Variants in CTNNA2 observed in about 807,000 individuals in gnomAD.
The protein encoded by CTNNA2 is catenin alpha-2.
In CTNNA2, 42 loss-of-function variants were observed where a neutral mutation model predicts 101.0. That is an observed-to-expected ratio of 0.42 (90% CI 0.32 to 0.54). CTNNA2 has a LOEUF of 0.54. Among genes scored for constraint, CTNNA2 ranks in the 20% least tolerant of loss-of-function variants. The pLI, the probability that CTNNA2 is intolerant of heterozygous loss-of-function variation, is 0.14. For missense variants in CTNNA2, 871 were observed against 1,223.1 expected (o/e 0.71, Z 4.29); for synonymous variants, 450 against 456.4 (o/e 0.99, Z 0.18).
chr2:79,309,963 T>C (rs1365651200), intron 2 of CTNNA2, among the ~76,000 whole-genome samples: 2 of 152,236 alleles, frequency 1.3e-5, no homozygotes, highest in Admixed American at 1.3e-4. Context: ...CTTTATACTT[T>C]GCATTTTTAT....
intron 1 of CTNNA2, among the ~76,000 whole-genome samples, chr2:79,614,419 C>A (rs565996572): frequency 1.3e-5 from 2 of 152,048 alleles, no homozygotes; most frequent in African/African-American, 4.8e-5. Flanking sequence ...AATAATTTTT[C>A]CTAGGAAATA....
chr2:79,875,690 A>G (rs1228590759), intron 6 of CTNNA2, among the ~76,000 whole-genome samples: 2 of 152,110 alleles, frequency 1.3e-5, no homozygotes, highest in East Asian at 3.9e-4. Context: ...ATATTTTTAC[A>G]GTTAGTTATA....
intron 7 of CTNNA2, among the ~76,000 whole-genome samples, chr2:80,356,944 G>T (rs994153995): frequency 6.6e-6 from 1 of 152,180 alleles, no homozygotes; most frequent in Non-Finnish European, 1.5e-5. Flanking sequence ...GAGGCCTAGC[G>T]AGGAGTCATA....
chr2:79,399,594 C>T (rs143276029), intron 4 of CTNNA2, among the ~76,000 whole-genome samples: 191 of 152,046 alleles, frequency 1.3e-3, no homozygotes, highest in African/African-American at 4.4e-3. Context: ...AGTCAATAAA[C>T]GAACAAACAG....
chr2:80,098,463 C>G (rs1370776858), intron 7 of CTNNA2, among the ~76,000 whole-genome samples: 1 of 152,230 alleles, frequency 6.6e-6, no homozygotes, highest in Admixed American at 6.5e-5. Flanking sequence ...CAGGGACCCA[C>G]TTGAGAGGCA....
intron 2 of CTNNA2, among the ~76,000 whole-genome samples, chr2:79,680,123 C>T (rs185335439): frequency 6.3e-4 from 95 of 151,808 alleles, no homozygotes; most frequent in Non-Finnish European, 1.1e-3. Flanking sequence ...TATTGCCTCT[C>T]GGTGGCCACT....
intron 3 of CTNNA2, among the ~76,000 whole-genome samples, chr2:79,347,008 A>T (rs1020635063): frequency 6.6e-6 from 1 of 152,218 alleles, no homozygotes; most frequent in East Asian, 1.9e-4. Flanking sequence ...CACTGTTTGG[A>T]TGATGAGTTC....
At chr2:79,661,781 T>C (rs1198830265) in intron 2 of CTNNA2, among the ~76,000 whole-genome samples, 1 of 152,134 alleles carries the variant, frequency 6.6e-6, no homozygotes, top group Non-Finnish European at 1.5e-5. Context: ...ACTAAATGCC[T>C]GGTGCTGACC....
Position 79,735,388 on chromosome 2 carries a change from G to A in CTNNA2, c.103-8999G>A, listed in dbSNP as rs566117613. Among the ~76,000 whole-genome samples the A allele has an allele frequency of 5.3e-5, 8 of 152,070 alleles. No individual in the cohort carries two copies. In the East Asian group the frequency reaches 7.7e-4, roughly 15 times the overall value. On this transcript the variant is annotated intron_variant, in intron 2 of 18. Coordinates refer to ENST00000402739, the MANE Select transcript of CTNNA2 (RefSeq NM_001282597.3). ...AAATGAGTTCAAATCACATCTCACC[G>A]ACAACATGAAAGGATGATCCAGTTC...
chr2:80,515,968 T>C (rs1024221752), intron 9 of CTNNA2, among the ~76,000 whole-genome samples: 5 of 152,238 alleles, frequency 3.3e-5, no homozygotes, highest in African/African-American at 9.6e-5. Flanking sequence ...GTGTTTTTCC[T>C]TATCCACCTC....
rs867166124 is a variant in CTNNA2, at chr2:79,664,736, C to T, written c.102+13078C>T. On this transcript the variant is annotated intron_variant, in intron 2 of 18. Transcript: ENST00000402739. The stretch of plus-strand genomic sequence containing the variant: ...TTTTTTTTTTTTTTTTTTTTTGAGA[C>T]GGAGTCTCGCTGTCTCCCCGGTTGG... Among the ~76,000 whole-genome samples the T allele has an allele frequency of 3.9e-5, 4 of 101,402 alleles. No homozygotes were observed. The South Asian group carries it at 9.3e-4, about 24-fold the overall frequency. The allele number at this position is 101,402 out of a possible 152,430, so 66.5% of individuals were successfully genotyped here.
chr2:80,260,212 C>T (rs1244226094), intron 7 of CTNNA2, among the ~76,000 whole-genome samples: 2 of 152,178 alleles, frequency 1.3e-5, no homozygotes, highest in African/African-American at 4.8e-5. Flanking sequence ...ATCATTGCTA[C>T]ATCCTCAGTA....
At chr2:79,499,645 C>T (rs1363295450) in intron 4 of CTNNA2, among the ~76,000 whole-genome samples, 2 of 152,140 alleles carry the variant, frequency 1.3e-5, no homozygotes, top group East Asian at 1.9e-4. Context: ...TGCTGATGCT[C>T]GTCTCTCACT....
rs142333254 is a variant in CTNNA2 at position 80,636,900 on chromosome 2, AC to A, written c.2575-10681del. On this transcript the variant is annotated intron_variant, in intron 18 of 18. Transcript: ENST00000402739. ...TGTTTTCTTGCACTCAGTCTTGACT[AC>A]CCCTTTATTCCATCTAAAGGATTCA... Among the ~76,000 whole-genome samples the A allele has an allele frequency of 7.4e-4, 113 of 152,270 alleles. 1 individual carries two copies. In the East Asian group the frequency reaches 0.019, roughly 26 times the overall value.
At chr2:79,904,676 A>G (rs973986573) in intron 6 of CTNNA2, among the ~76,000 whole-genome samples, 1 of 152,100 alleles carries the variant, frequency 6.6e-6, no homozygotes, top group Non-Finnish European at 1.5e-5. Flanking sequence ...AGGGATCTCA[A>G]AGACACTGCA....
At chr2:79,394,787 AT>A (rs5832387) in intron 4 of CTNNA2, among the ~76,000 whole-genome samples, 1 of 151,868 alleles carries the variant, frequency 6.6e-6, no homozygotes, top group Non-Finnish European at 1.5e-5. Context: ...ACTTAAAAAA[AT>A]TTTTTTTGTA....
intron 1 of CTNNA2, among the ~76,000 whole-genome samples, chr2:79,563,286 A>G (rs1382229720): frequency 6.6e-6 from 1 of 151,760 alleles, no homozygotes; most frequent in Non-Finnish European, 1.5e-5. Flanking sequence ...ATAATTTATG[A>G]TGGGATTCAG....
At chr2:79,510,517 A>C (rs1671512852), upstream of CTNNA2, among the ~76,000 whole-genome samples, 2 of 152,236 alleles carry the variant, frequency 1.3e-5, no homozygotes, top group Non-Finnish European at 1.5e-5. Flanking sequence ...TAGGGTAGAC[A>C]GGGTTGAGGG....
At chr2:80,057,900 C>G (rs889740535) in intron 7 of CTNNA2, among the ~76,000 whole-genome samples, 1 of 152,092 alleles carries the variant, frequency 6.6e-6, no homozygotes, top group East Asian at 1.9e-4. Context: ...TACGCAGATA[C>G]CCCTCTTGCT....
Sources: gnomAD v4.1 joint callset for allele counts (sites outside exome capture counted in the v4.1 genomes callset) on GRCh38, gnomAD v4.1.1 for gene constraint, MANE v1.5 for transcripts, NCBI Gene and HGNC (gene_info 2026-07-23, HGNC 2026-07-21) for gene names.